The following STIM1 variants were observed in gnomAD, a reference collection of about 807,000 sequenced individuals.
STIM1 encodes the protein stromal interaction molecule 1.
Under a neutral mutation model 74.7 loss-of-function variants are expected in STIM1, and 25 were observed. The observed-to-expected ratio is 0.33, with a 90% CI of 0.24 to 0.47. The LOEUF (loss-of-function observed/expected upper bound fraction) is 0.47, where lower values mean the gene tolerates loss of function less well. Ranked by LOEUF, STIM1 falls within the 20% of genes least tolerant of loss-of-function variation. STIM1 has a pLI of 1.00. For synonymous variants in STIM1, 328 were observed against 348.8 expected (o/e 0.94, Z 0.66); for missense variants, 728 against 920.8 (o/e 0.79, Z 2.71).
intron 1 of STIM1, among the ~76,000 whole-genome samples, chr11:3,905,968 C>A (rs1195720445): frequency 6.6e-6 from 1 of 152,138 alleles, no homozygotes; most frequent in Non-Finnish European, 1.5e-5. Flanking sequence ...CTTGGTCTGG[C>A]CTTGCTCTAC....
intron 1 of STIM1, among the ~76,000 whole-genome samples, chr11:3,859,043 T>C (rs1175279869): frequency 6.6e-6 from 1 of 152,200 alleles, no homozygotes; most frequent in Admixed American, 6.5e-5. Flanking sequence ...ACTCTGTAGC[T>C]GAGAGCCAAG....
Position 4,092,215 on chromosome 11 carries a change from G to C in STIM1, c.*417G>C, listed in dbSNP as rs1332372942. 1 of 314,866 alleles carries C rather than the reference G, an allele frequency of 3.2e-6. No homozygotes were observed. The highest frequency in any genetic ancestry group is 6.2e-6 in the Non-Finnish European group (1 of 161,542). The allele number at this position is 314,866 out of a possible 1,614,324, so 19.5% of individuals were successfully genotyped here. On this transcript the variant is annotated 3_prime_UTR_variant, in exon 13 of 13. Transcript: ENST00000526596. Reference sequence around the variant, plus strand: ...AACTTCCCCTAGCAGTTGCAGGGAAGATAGGACGAGTAGCTTCTGACATGT... The same window carrying C: ...AACTTCCCCTAGCAGTTGCAGGGAACATAGGACGAGTAGCTTCTGACATGT...
At position 4,082,959 on chromosome 11, in the gene STIM1, A is replaced by G. The variant is rs960940124; in HGVS notation, c.1215A>G (p.Val405=). 2 of 1,614,076 alleles carry G rather than the reference A, an allele frequency of 1.2e-6. No individual in the cohort carries two copies. The highest frequency in any genetic ancestry group is 1.7e-6 in the Non-Finnish European group (2 of 1,179,944). Residue 405 remains valine, a synonymous_variant, in exon 9 of 13, where the codon GTA becomes GTG. Coordinates refer to ENST00000526596, the MANE Select transcript of STIM1 (RefSeq NM_001382567.1). ...HVAHSSSLDD[V]DHKILTAKQA... is the part of the protein sequence containing the mutation. ...CCCACAGCTCTTCCCTGGATGATGT[A>G]GATCATAAAATTCTAACAGCTAAGT...
Position 4,084,912 on chromosome 11 carries a change from AGGGGTTCG to A in STIM1, c.1567+153_1567+160del, listed in dbSNP as rs1239640040. 3 of 568,632 alleles carry A rather than the reference AGGGGTTCG, an allele frequency of 5.3e-6. No individual in the cohort carries two copies. The East Asian group carries it at 2.1e-4, about 39-fold the overall frequency. The allele number at this position is 568,632 out of a possible 1,614,324, so 35.2% of individuals were successfully genotyped here. A position where few individuals can be genotyped will look rare whatever the true frequency, so the allele number is the denominator to read the frequency against. On this transcript the variant is annotated intron_variant, in intron 11 of 12. Transcript: ENST00000526596. Reference sequence around the variant, plus strand: ...AGCACTGTCCCTACTAACTACAGGGAGGGGTTCGGGGGTGAGAAGAATCAGCTTGCTTG... The same window carrying A: ...AGCACTGTCCCTACTAACTACAGGGAGGGGTGAGAAGAATCAGCTTGCTTG...
chr11:3,902,596 CG>C (rs2092377782), intron 1 of STIM1, among the ~76,000 whole-genome samples: 1 of 152,194 alleles, frequency 6.6e-6, no homozygotes, highest in African/African-American at 2.4e-5. Context: ...TGACAGGAGG[CG>C]GAGCTCAGGC....
At chr11:3,992,179 C>T (rs563674029) in intron 2 of STIM1, among the ~76,000 whole-genome samples, 11 of 132,138 alleles carry the variant, frequency 8.3e-5, no homozygotes, top group Admixed American at 5.1e-4. Flanking sequence ...CTTTGGGTGG[C>T]GGGTGGATTG....
rs2093903287 is a variant in STIM1, at chr11:4,016,881, A to G, written c.271-6992A>G. ...GTGTGTGGGACCCGCCGAGCCAGGCACAGGAGGGAATCTCCTGGATCTGCC... is the reference window on the plus strand; with the variant it reads ...GTGTGTGGGACCCGCCGAGCCAGGCGCAGGAGGGAATCTCCTGGATCTGCC... On this transcript the variant is annotated intron_variant, in intron 2 of 12. Transcript: ENST00000526596. Among the ~76,000 whole-genome samples, 4 of 152,236 alleles carry G rather than the reference A, an allele frequency of 2.6e-5. No homozygotes were observed. The South Asian group carries it at 8.3e-4, about 32-fold the overall frequency.
At chr11:3,924,832 C>G (rs1209588751) in intron 1 of STIM1, among the ~76,000 whole-genome samples, 4 of 152,180 alleles carry the variant, frequency 2.6e-5, no homozygotes, top group African/African-American at 9.6e-5. Context: ...AATCTTATTT[C>G]AACTAAGAAA....
At chr11:3,876,924 C>T (rs1265607356) in intron 1 of STIM1, among the ~76,000 whole-genome samples, 4 of 152,120 alleles carry the variant, frequency 2.6e-5, no homozygotes, top group Admixed American at 2.0e-4. Context: ...AGAAAGTTTA[C>T]GATTTGGAAT....
intron 1 of STIM1, among the ~76,000 whole-genome samples, chr11:3,939,935 T>G (rs1403821323): frequency 1.3e-5 from 2 of 152,194 alleles, no homozygotes. Flanking sequence ...TCATTCCAGT[T>G]GTGTTCCCTA....
intron 12 of STIM1, among the ~76,000 whole-genome samples, chr11:4,089,338 G>C (rs2094510672): frequency 6.6e-6 from 1 of 152,112 alleles, no homozygotes; most frequent in Admixed American, 6.5e-5. Context: ...TGTTAGAGAG[G>C]GTAGGATCCC....
intron 1 of STIM1, among the ~76,000 whole-genome samples, chr11:3,962,396 C>T (rs1277705700): frequency 2.0e-5 from 3 of 151,872 alleles, no homozygotes; most frequent in Admixed American, 6.6e-5. Context: ...GTTCCATCCA[C>T]GTTGCTGCAA....
intron 2 of STIM1, among the ~76,000 whole-genome samples, chr11:3,979,882 C>G (rs1253885446): frequency 6.6e-6 from 1 of 152,070 alleles, no homozygotes; most frequent in Non-Finnish European, 1.5e-5. Flanking sequence ...CCTCTTGTGC[C>G]CCTCCCTGCA....
intron 3 of STIM1, among the ~76,000 whole-genome samples, chr11:4,046,385 A>T (rs73431651): frequency 0.017 from 2,520 of 152,166 alleles, 74 homozygotes; most frequent in African/African-American, 0.058. Flanking sequence ...CTTGTCTCCT[A>T]GGATGCATTC....
At chr11:4,011,066 G>A (rs1324605802) in intron 2 of STIM1, among the ~76,000 whole-genome samples, 1 of 152,152 alleles carries the variant, frequency 6.6e-6, no homozygotes, top group Non-Finnish European at 1.5e-5. Flanking sequence ...TTTTATGGCT[G>A]CATAGTAGTC....
In STIM1 at chr11:3,967,507, G is replaced by C. The variant is rs201300873; in HGVS notation, c.140-45G>C. The C allele has an allele frequency of 2.0e-5, 32 of 1,613,316 alleles. No homozygotes were observed. In the Admixed American group the frequency reaches 4.2e-4, roughly 21 times the overall value. ...CTGACACAGGTGGGTGATAGGTTCT[G>C]GGTGGCAGCTCTGAGTAATTTTGTC... On this transcript the variant is annotated intron_variant, in intron 1 of 12. Transcript: ENST00000526596.
chr11:3,863,284 GTC>G (rs1321315810), intron 1 of STIM1, among the ~76,000 whole-genome samples: 17 of 1,282 alleles, frequency 0.013, 1 homozygote, highest in African/African-American at 0.021. Context: ...TTGAGACAGG[GTC>G]TCTCTGTCAC....
intron 3 of STIM1, among the ~76,000 whole-genome samples, chr11:4,038,423 A>T (rs714380): frequency 0.27 from 40,893 of 151,886 alleles, 6,074 homozygotes; most frequent in South Asian, 0.46. Flanking sequence ...ATAATAATAA[A>T]AAAAAAAAGA....
chr11:4,019,930 C>A (rs1325529204), intron 2 of STIM1, among the ~76,000 whole-genome samples: 1 of 152,084 alleles, frequency 6.6e-6, no homozygotes, highest in African/African-American at 2.4e-5. Flanking sequence ...ACCCACTGAC[C>A]AATCTCTCCC....
Sources: gnomAD v4.1 joint callset for allele counts (sites outside exome capture counted in the v4.1 genomes callset) on GRCh38, gnomAD v4.1.1 for gene constraint, MANE v1.5 for transcripts, NCBI Gene and HGNC (gene_info 2026-07-23, HGNC 2026-07-21) for gene names.